DCC: variants seen among roughly 807,000 people sequenced by gnomAD.
The protein encoded by DCC is netrin receptor DCC.
A neutral mutation model predicts 172.5 loss-of-function variants in DCC; 58 were observed. The ratio of observed to expected loss-of-function variants is 0.34; its 90% CI spans 0.27 to 0.42. The LOEUF is 0.42. Among genes scored for constraint, DCC ranks in the 10% least tolerant of loss-of-function variants. The probability of loss-of-function intolerance (pLI) is 1.00; values close to 1 mark genes in which losing one functional copy is unlikely to be tolerated. For missense variants in DCC, 1,740 were observed against 1,791.0 expected (o/e 0.97, Z 0.51); for synonymous variants, 709 against 644.5 (o/e 1.10, Z -1.52).
rs540129921 is a variant in DCC, at chr18:52,930,128, C to T, written c.985+4758C>T. On this transcript the variant is annotated intron_variant, in intron 5 of 28. Transcript: ENST00000442544. ...TTTTTCTTTCTTTTCTTTTTCTTTT[C>T]TTTTTTTCTTCTTTTTTGTAGAGAC... is the stretch of plus-strand genomic sequence containing the variant. Among the ~76,000 whole-genome samples, 7 of 151,776 alleles carry T rather than the reference C, an allele frequency of 4.6e-5. No homozygotes were observed. The South Asian group carries it at 1.5e-3, about 32-fold the overall frequency.
At chr18:52,865,951 T>C (rs139645917) in intron 2 of DCC, among the ~76,000 whole-genome samples, 1 of 152,040 alleles carries the variant, frequency 6.6e-6, no homozygotes, top group Non-Finnish European at 1.5e-5. Flanking sequence ...TTTTGGTGGT[T>C]ATGAAGTCTT....
chr18:52,655,411 A>C (rs1391743703), intron 1 of DCC, among the ~76,000 whole-genome samples: 3 of 151,854 alleles, frequency 2.0e-5, no homozygotes, highest in Admixed American at 6.6e-5. Flanking sequence ...CTTTGAAACA[A>C]AAAGAGATTA....
At chr18:52,873,593 T>C (rs1413826740) in intron 2 of DCC, among the ~76,000 whole-genome samples, 1 of 152,180 alleles carries the variant, frequency 6.6e-6, no homozygotes, top group African/African-American at 2.4e-5. Flanking sequence ...AATTAATATA[T>C]ATAGTATTTA....
At chr18:52,781,658 A>C (rs2037547016) in intron 2 of DCC, among the ~76,000 whole-genome samples, 1 of 152,096 alleles carries the variant, frequency 6.6e-6, no homozygotes, top group Non-Finnish European at 1.5e-5. Context: ...ATCATTTTTC[A>C]AAACAGCATG....
chr18:53,469,974 T>A (rs901666255), intron 25 of DCC, among the ~76,000 whole-genome samples: 1 of 152,148 alleles, frequency 6.6e-6, no homozygotes, highest in Non-Finnish European at 1.5e-5. Context: ...AAACACTTTC[T>A]CTTTGGCTTG....
intron 1 of DCC, among the ~76,000 whole-genome samples, chr18:52,437,612 C>G (rs979860288): frequency 6.6e-6 from 1 of 152,148 alleles, no homozygotes; most frequent in South Asian, 2.1e-4. Context: ...AATTCTCCCT[C>G]TAACTAGAGT....
chr18:52,614,820 C>T (rs896935557), intron 1 of DCC, among the ~76,000 whole-genome samples: 27 of 152,050 alleles, frequency 1.8e-4, no homozygotes, highest in African/African-American at 6.3e-4. Flanking sequence ...AATGTATCCT[C>T]AGCTGATGGT....
chr18:52,376,513 G>A (rs1288428393), intron 1 of DCC, among the ~76,000 whole-genome samples: 1 of 151,188 alleles, frequency 6.6e-6, no homozygotes, highest in Non-Finnish European at 1.5e-5. Context: ...GTGTGTATAT[G>A]TGTGTACATG....
At chr18:53,460,550 T>C (rs1206602179) in intron 24 of DCC, among the ~76,000 whole-genome samples, 1 of 151,376 alleles carries the variant, frequency 6.6e-6, no homozygotes, top group Non-Finnish European at 1.5e-5. Flanking sequence ...TTTGTTCTTG[T>C]CATAGTTTAC....
Position 52,752,392 on chromosome 18 carries a change from T to A in DCC, c.412+18T>A, listed in dbSNP as rs747467829. 1 of 1,576,944 alleles carries A rather than the reference T, an allele frequency of 6.3e-7. No homozygotes were observed. Among genetic ancestry groups the A allele is most frequent in the Non-Finnish European group, 8.7e-7 (1 of 1,145,996 alleles). On this transcript the variant is annotated intron_variant, in intron 2 of 28. Transcript: ENST00000442544. ...AGTAGCAGGTAGGTGGATTCTTCCT[T>A]CTCTTCCTCCTCCTCCTTCCTCTCT...
At chr18:53,209,932 T>C (rs567669747) in intron 11 of DCC, among the ~76,000 whole-genome samples, 1 of 152,220 alleles carries the variant, frequency 6.6e-6, no homozygotes, top group Non-Finnish European at 1.5e-5. Flanking sequence ...AATGTTACAA[T>C]GTTTAGGACT....
chr18:52,397,150 CT>C (rs1986261985), intron 1 of DCC, among the ~76,000 whole-genome samples: 1 of 151,924 alleles, frequency 6.6e-6, no homozygotes, highest in Non-Finnish European at 1.5e-5. Flanking sequence ...GATTCTCAAA[CT>C]TGTGCTTGCA....
intron 1 of DCC, among the ~76,000 whole-genome samples, chr18:52,583,278 A>G (rs2144781193): frequency 6.6e-6 from 1 of 152,320 alleles, no homozygotes; most frequent in Admixed American, 6.5e-5. Flanking sequence ...CACTGGAGAG[A>G]AGTATTTCAT....
At chr18:53,346,482 T>C (rs1173025362) in intron 15 of DCC, among the ~76,000 whole-genome samples, 1 of 152,178 alleles carries the variant, frequency 6.6e-6, no homozygotes, top group Non-Finnish European at 1.5e-5. Context: ...TTTTAACCTT[T>C]TTACTCTTTT....
intron 5 of DCC, among the ~76,000 whole-genome samples, chr18:53,010,663 T>C (rs1194186522): frequency 6.6e-6 from 1 of 150,766 alleles, no homozygotes; most frequent in Non-Finnish European, 1.5e-5. Flanking sequence ...AGACACATTA[T>C]ATGTAATACT....
chr18:53,332,885 G>C (rs2057546289), intron 14 of DCC, among the ~76,000 whole-genome samples: 1 of 151,914 alleles, frequency 6.6e-6, no homozygotes, highest in Non-Finnish European at 1.5e-5. Context: ...GGCAACACAG[G>C]GAGACCCCAT....
At chr18:53,181,757 G>C (rs2055201022) in intron 9 of DCC, among the ~76,000 whole-genome samples, 1 of 152,182 alleles carries the variant, frequency 6.6e-6, no homozygotes, top group African/African-American at 2.4e-5. Flanking sequence ...GATCTCAGCA[G>C]ATTTGGGGGG....
intron 2 of DCC, among the ~76,000 whole-genome samples, chr18:52,765,582 T>C (rs186893997): frequency 6.6e-6 from 1 of 152,300 alleles, no homozygotes; most frequent in Middle Eastern, 3.4e-3. Context: ...CTCACCGTAA[T>C]CTATCCTTCC....
intron 7 of DCC, among the ~76,000 whole-genome samples, chr18:53,142,049 G>A (rs576661648): frequency 6.6e-6 from 1 of 152,312 alleles, no homozygotes; most frequent in South Asian, 2.1e-4. Flanking sequence ...ATGCCCACTG[G>A]AGCACAACTG....
Sources: allele counts gnomAD v4.1 joint callset (sites outside exome capture counted in the v4.1 genomes callset), GRCh38; gene constraint gnomAD v4.1.1; transcripts MANE v1.5; gene names NCBI Gene and HGNC (gene_info 2026-07-23, HGNC 2026-07-21).